The following C4orf51 variants were observed in gnomAD, a reference collection of about 807,000 sequenced individuals.
C4orf51 encodes uncharacterized protein C4orf51.
A neutral mutation model predicts 25.2 loss-of-function variants in C4orf51; 25 were observed. The observed-to-expected ratio is 0.99, with a 90% CI of 0.72 to 1.39. The LOEUF (loss-of-function observed/expected upper bound fraction) is 1.39. C4orf51 is among the 40% of genes most tolerant of loss of function. The pLI is 0.00. For synonymous variants in C4orf51, 100 were observed against 84.5 expected (o/e 1.18, Z -1.01); for missense variants, 252 against 239.6 (o/e 1.05, Z -0.34).
chr4:145,697,768 C>T (rs949874771), intron 2 of C4orf51, among the ~76,000 whole-genome samples: 7 of 152,136 alleles, frequency 4.6e-5, no homozygotes, highest in African/African-American at 9.7e-5. Flanking sequence ...TTGATGGACA[C>T]GTAAGTTGTT....
At chr4:145,688,798 G>T (rs866574490) in intron 1 of C4orf51, among the ~76,000 whole-genome samples, 2 of 152,130 alleles carry the variant, frequency 1.3e-5, no homozygotes, top group African/African-American at 4.8e-5. Flanking sequence ...AGTTCCAATA[G>T]GTGTTTTTGT....
At chr4:145,701,541 C>T (rs1472800794) in intron 2 of C4orf51, among the ~76,000 whole-genome samples, 1 of 151,902 alleles carries the variant, frequency 6.6e-6, no homozygotes, top group Non-Finnish European at 1.5e-5. Context: ...TGACTGACTC[C>T]TTGGCTTAGC....
At position 145,765,137 on chromosome 4, in the gene C4orf51, G is replaced by A. The variant is rs1170032334; in HGVS notation, n.167-5851G>A. ...GCTCAAACATGTTCTTCGTCTTGCA[G>A]ACAAAGTTGCAAAAAACACATTCGA... On this transcript the variant is annotated intron_variant and non_coding_transcript_variant, in intron 1 of 1. Coordinates refer to the C4orf51 transcript ENST00000510096. The surrounding 1 kb of genome is among the most constrained non-coding windows in gnomAD (Gnocchi z 4.7). 1 of 1,613,090 alleles carries A rather than the reference G, an allele frequency of 6.2e-7. No individual in the cohort carries two copies. Among genetic ancestry groups the A allele is most frequent in the Non-Finnish European group, 8.5e-7 (1 of 1,179,568 alleles).
In C4orf51 at chr4:145,768,909, ATATATAT is replaced by A. The variant is rs1560894697; in HGVS notation, n.167-2076_167-2070del. Among the ~76,000 whole-genome samples, 19 of 41,962 alleles carry A rather than the reference ATATATAT, an allele frequency of 4.5e-4. 2 individuals are homozygous for A. Among genetic ancestry groups the A allele is most frequent in the Admixed American group, 8.0e-4 (3 of 3,736 alleles). The allele number at this position is 41,962 out of a possible 152,430, so 27.5% of individuals were successfully genotyped here. A position where few individuals can be genotyped will look rare whatever the true frequency, so the allele number is the denominator to read the frequency against. ...AAAAAAAATATATATATATATATAT[ATATATAT>A]TAGGTATACAAAGTTTGGAAATAGA... On this transcript the variant is annotated intron_variant and non_coding_transcript_variant, in intron 1 of 1. Transcript: ENST00000510096.
At chr4:145,715,734 C>T (rs772420725) in intron 2 of C4orf51, among the ~76,000 whole-genome samples, 7 of 152,152 alleles carry the variant, frequency 4.6e-5, no homozygotes, top group Non-Finnish European at 7.4e-5. Context: ...CTTTTAGATT[C>T]TTGATGGTAG....
chr4:145,711,336 C>A (rs544156605), intron 2 of C4orf51, among the ~76,000 whole-genome samples: 2 of 152,320 alleles, frequency 1.3e-5, no homozygotes, highest in Non-Finnish European at 2.9e-5. Context: ...GCAAGCTGAC[C>A]ACTTTCCATT....
intron 3 of C4orf51, among the ~76,000 whole-genome samples, chr4:145,728,183 C>T (rs1180094801): frequency 6.6e-6 from 1 of 150,550 alleles, no homozygotes; most frequent in Non-Finnish European, 1.5e-5. Flanking sequence ...GGGTACGTTC[C>T]CATAAGAAGA....
intron 1 of C4orf51, chr4:145,754,075 C>G (rs529084454): frequency 6.6e-6 from 1 of 152,472 alleles, no homozygotes; most frequent in East Asian, 1.9e-4. Context: ...GTTAACCCAG[C>G]AGGGTGGATG....
chr4:145,680,441 G>C lies in C4orf51; in HGVS notation c.233+5G>C, dbSNP rs1300574878. On this transcript the variant is annotated splice_donor_5th_base_variant and intron_variant, in intron 1 of 5. Transcript: ENST00000438731. ...GCATGAGCCTGAGTGTAAACAGTAA[G>C]ATTTCTTTGTAATTTGCACCTGGAT... 1 of 1,608,602 alleles carries C rather than the reference G, an allele frequency of 6.2e-7. No individual in the cohort carries two copies. The highest frequency in any genetic ancestry group is 1.3e-5 in the African/African-American group (1 of 74,936).
downstream of C4orf51, among the ~76,000 whole-genome samples, chr4:145,775,595 AC>A (rs1187975203): frequency 3.3e-5 from 5 of 152,010 alleles, no homozygotes; most frequent in East Asian, 9.6e-4. Flanking sequence ...AATTAATACC[AC>A]CAGGGGCACC....
rs182001781 is a variant in C4orf51, at chr4:145,700,174, C to T, written c.307+3542C>T. ...CATGCCCCAACCTCTTATCTCTATG[C>T]CCCAATCCCTTATTTCTGCACCCCA... On this transcript the variant is annotated intron_variant, in intron 2 of 5. Coordinates refer to ENST00000438731, the MANE Select transcript of C4orf51 (RefSeq NM_001080531.3). 3.7e-3 allele frequency among the ~76,000 whole-genome samples: 464 copies of T among 126,932 alleles called. 59 individuals carry two copies. The highest frequency in any genetic ancestry group is 0.013 in the African/African-American group (429 of 32,260). The allele number at this position is 126,932 out of a possible 152,430, so 83.3% of individuals were successfully genotyped here.
intron 1 of C4orf51, among the ~76,000 whole-genome samples, chr4:145,693,573 C>T (rs1263693751): frequency 1.2e-4 from 18 of 150,880 alleles, no homozygotes; most frequent in African/African-American, 2.2e-4. Context: ...GGGTGGTGGC[C>T]GGGCAGAGGG....
At position 145,761,656 on chromosome 4, in the gene C4orf51, C is replaced by A; in HGVS notation, n.167-9332C>A. On this transcript the variant is annotated intron_variant and non_coding_transcript_variant, in intron 1 of 1. Coordinates refer to the C4orf51 transcript ENST00000510096. The surrounding 1 kb of genome is among the most constrained non-coding windows in gnomAD (Gnocchi z 6.8). ...CCGGGAAGGTTCGGAGGCAGCCGCG[C>A]TTCTCGCCGCCTCACCAGCCTTCCC... 1 of 1,067,416 alleles carries A rather than the reference C, an allele frequency of 9.4e-7. No individual in the cohort carries two copies. Among genetic ancestry groups the A allele is most frequent in the Non-Finnish European group, 1.2e-6 (1 of 813,588 alleles). 66.1% of individuals were successfully genotyped at this position (1,067,416 alleles called of 1,614,324 possible). A position where few individuals can be genotyped will look rare whatever the true frequency, so the allele number is the denominator to read the frequency against.
At chr4:145,791,603 A>G in the C4orf51 span, among the ~76,000 whole-genome samples, 214 of 152,318 alleles carry the variant, frequency 1.4e-3, 1 homozygote, top group African/African-American at 5.0e-3. Context: ...GGCCATCTCT[A>G]TTATATCATT....
chr4:145,761,141 G>T lies in C4orf51; in HGVS notation n.167-9847G>T, dbSNP rs1014694903. On this transcript the variant is annotated intron_variant and non_coding_transcript_variant, in intron 1 of 1. Coordinates refer to the C4orf51 transcript ENST00000510096. This position sits in a 1 kb window ranked among gnomAD's most constrained non-coding sequence, Gnocchi z 6.8. ...AGGAGCGGGGCCCCCGGGCCGGCCG[G>T]TTCCTTGGGGGCTGGACACAGGCCC... The T allele has an allele frequency of 7.8e-7, 1 of 1,289,774 alleles. No individual in the cohort carries two copies. Among genetic ancestry groups the T allele is most frequent in the Non-Finnish European group, 1.0e-6 (1 of 988,806 alleles). The allele number at this position is 1,289,774 out of a possible 1,614,324, so 79.9% of individuals were successfully genotyped here. A position where few individuals can be genotyped will look rare whatever the true frequency, so the allele number is the denominator to read the frequency against.
chr4:145,727,069 A>G, intron 3 of C4orf51, 100 bp downstream of exon 3: 1 of 901,786 alleles, frequency 1.1e-6, no homozygotes, highest in Non-Finnish European at 1.7e-6. Context: ...TTAAATTTTT[A>G]AAAAACAATA....
intron 4 of C4orf51, among the ~76,000 whole-genome samples, chr4:145,729,443 C>A (rs529837830): frequency 3.4e-4 from 51 of 151,556 alleles, no homozygotes; most frequent in South Asian, 8.4e-4. Context: ...CTGGGACTAC[C>A]GGCGCCCGCC....
rs1467878310 is a variant in C4orf51 at position 145,680,177 on chromosome 4, T to G, written c.-27T>G. On this transcript the variant is annotated 5_prime_UTR_variant, in exon 1 of 6. Transcript: ENST00000438731. ...TCATTATGCAGAGGACTTGACAAGTTGTTTTCCAGAGAGGCCGTTCGTAGT... is the reference window on the plus strand; with the variant it reads ...TCATTATGCAGAGGACTTGACAAGTGGTTTTCCAGAGAGGCCGTTCGTAGT... 1 of 1,524,128 alleles carries G rather than the reference T, an allele frequency of 6.6e-7. No individual in the cohort carries two copies. The highest frequency in any genetic ancestry group is 1.7e-5 in the Admixed American group (1 of 59,872). 94.4% of individuals were successfully genotyped at this position (1,524,128 alleles called of 1,614,324 possible). A position where few individuals can be genotyped will look rare whatever the true frequency, so the allele number is the denominator to read the frequency against.
chr4:145,748,708 T>C (rs1560866861), intron 1 of C4orf51, among the ~76,000 whole-genome samples: 1 of 152,186 alleles, frequency 6.6e-6, no homozygotes, highest in Non-Finnish European at 1.5e-5. Context: ...TCATTATTGA[T>C]TTCTAGTTTT....
Sources: gnomAD v4.1 joint callset for allele counts (sites outside exome capture counted in the v4.1 genomes callset) on GRCh38, gnomAD v4.1.1 for gene constraint, Gnocchi (gnomAD v3.1) non-coding constraint, MANE v1.5 for transcripts, NCBI Gene and HGNC (gene_info 2026-07-23, HGNC 2026-07-21) for gene names.